The following CHST9 variants were observed in gnomAD, a reference collection of about 807,000 sequenced individuals.
CHST9 encodes the protein GalNAc-4-sulfotransferase 2.
Under a neutral mutation model 44.4 loss-of-function variants are expected in CHST9, and 41 were observed. The ratio of observed to expected loss-of-function variants is 0.92; its 90% CI spans 0.72 to 1.20. CHST9 has a LOEUF of 1.20. CHST9 is among the 50% of genes most tolerant of loss of function. CHST9 has a pLI of 0.00. For synonymous variants in CHST9, 171 were observed against 178.4 expected, an observed-to-expected ratio of 0.96 and a Z score of 0.33; for missense variants, 504 against 516.5, an observed-to-expected ratio of 0.98 and a Z score of 0.23.
intron 4 of CHST9, among the ~76,000 whole-genome samples, chr18:26,953,228 A>G (rs1683473): frequency 6.6e-6 from 1 of 152,208 alleles, no homozygotes; most frequent in East Asian, 1.9e-4. Context: ...CTGTCTTTGT[A>G]ACAGGAATCA....
At chr18:27,070,051 T>A (rs2057822512) in intron 2 of CHST9, among the ~76,000 whole-genome samples, 1 of 152,222 alleles carries the variant, frequency 6.6e-6, no homozygotes. Flanking sequence ...AATCACCCTC[T>A]ATGCCACTGT....
intron 5 of CHST9, chr18:26,925,842 T>C (rs1187834551): frequency 6.6e-6 from 1 of 152,248 alleles, no homozygotes. Flanking sequence ...GAGCAATTTC[T>C]ATATGATAAG....
intron 5 of CHST9, among the ~76,000 whole-genome samples, chr18:26,921,972 C>T (rs1249137261): frequency 6.6e-6 from 1 of 152,084 alleles, no homozygotes; most frequent in African/African-American, 2.4e-5. Flanking sequence ...AAATTAATTA[C>T]CCCCAATTGG....
At chr18:26,936,797 A>T (rs1207103518) in intron 5 of CHST9, 2 of 152,194 alleles carry the variant, frequency 1.3e-5, no homozygotes, top group African/African-American at 4.8e-5. Flanking sequence ...AAAATTATTC[A>T]TGGAATATAT....
intron 2 of CHST9, among the ~76,000 whole-genome samples, chr18:27,053,551 A>G (rs796076305): frequency 2.6e-5 from 4 of 152,154 alleles, no homozygotes; most frequent in African/African-American, 9.6e-5. Flanking sequence ...CATGAACTTT[A>G]TATCTGTTCC....
At chr18:27,113,445 G>A (rs2058292524) in intron 2 of CHST9, among the ~76,000 whole-genome samples, 1 of 152,028 alleles carries the variant, frequency 6.6e-6, no homozygotes, top group Non-Finnish European at 1.5e-5. Context: ...TTTAATAATT[G>A]TTAAAACCTA....
At chr18:27,168,032 T>C (rs190064397) in intron 1 of CHST9, among the ~76,000 whole-genome samples, 207 of 151,802 alleles carry the variant, frequency 1.4e-3, no homozygotes, top group African/African-American at 4.6e-3. Context: ...GGGAAACAGA[T>C]AGGCATTGAA....
intron 2 of CHST9, among the ~76,000 whole-genome samples, chr18:27,060,988 C>T (rs1229320759): frequency 6.6e-6 from 1 of 152,190 alleles, no homozygotes; most frequent in African/African-American, 2.4e-5. Flanking sequence ...AATAAAAAGA[C>T]ACGCATGGGA....
At chr18:26,949,057 A>C (rs920518258) in intron 4 of CHST9, among the ~76,000 whole-genome samples, 12 of 152,136 alleles carry the variant, frequency 7.9e-5, no homozygotes, top group African/African-American at 2.9e-4. Context: ...GATGAGGATG[A>C]GGTGGCCAAA....
intron 4 of CHST9, among the ~76,000 whole-genome samples, chr18:26,961,268 C>T (rs2056395316): frequency 6.6e-6 from 1 of 152,180 alleles, no homozygotes; most frequent in Non-Finnish European, 1.5e-5. Flanking sequence ...AACAATACCT[C>T]CATTGTATTT....
intron 2 of CHST9, among the ~76,000 whole-genome samples, chr18:27,128,006 C>G (rs954515884): frequency 3.9e-5 from 6 of 152,066 alleles, no homozygotes; most frequent in African/African-American, 1.4e-4. Flanking sequence ...TAAAAGCTGC[C>G]TCTCTAGAAA....
At chr18:27,166,257 T>C (rs1446010288) in intron 1 of CHST9, among the ~76,000 whole-genome samples, 1 of 152,206 alleles carries the variant, frequency 6.6e-6, no homozygotes, top group African/African-American at 2.4e-5. Context: ...CCACCATTTC[T>C]CACACTTCTT....
At chr18:27,182,860 G>A (rs2058923992) in intron 1 of CHST9, among the ~76,000 whole-genome samples, 1 of 152,182 alleles carries the variant, frequency 6.6e-6, no homozygotes, top group Non-Finnish European at 1.5e-5. Flanking sequence ...ACTGATGTGG[G>A]AAACAATGTG....
At position 26,947,438 on chromosome 18, in the gene CHST9, C is replaced by A. The variant is rs183464829; in HGVS notation, c.203-3072G>T. On this transcript the variant is annotated intron_variant, in intron 4 of 5. Coordinates refer to ENST00000618847, the MANE Select transcript of CHST9 (RefSeq NM_031422.6). Reference sequence around the variant, plus strand: ...ATTAAACCAAAGAGCTTCTGCACAGCAAAAGAAACTTTCATCAGAGTGAAC... The same window carrying A: ...ATTAAACCAAAGAGCTTCTGCACAGAAAAAGAAACTTTCATCAGAGTGAAC... Among the ~76,000 whole-genome samples the A allele has an allele frequency of 4.1e-3, 620 of 152,190 alleles. 1 individual carries two copies. Among genetic ancestry groups the A allele is most frequent in the African/African-American group, 6.0e-3 (248 of 41,532 alleles).
intron 1 of CHST9, among the ~76,000 whole-genome samples, chr18:27,183,006 T>A (rs1159393929): frequency 2.6e-5 from 4 of 152,140 alleles, no homozygotes; most frequent in African/African-American, 9.7e-5. Flanking sequence ...TTTAATGCAC[T>A]TCTTCAGAGC....
intron 1 of CHST9, among the ~76,000 whole-genome samples, chr18:27,179,211 C>G (rs1441839105): frequency 6.6e-6 from 1 of 151,778 alleles, no homozygotes; most frequent in Non-Finnish European, 1.5e-5. Flanking sequence ...CAGTTTGTCA[C>G]CACTTATTGT....
At chr18:26,936,693 T>C (rs2055998844) in intron 5 of CHST9, 1 of 152,146 alleles carries the variant, frequency 6.6e-6, no homozygotes, top group Admixed American at 6.5e-5. Flanking sequence ...AGTTACTCAG[T>C]TCATCTTCTG....
At chr18:27,084,577 T>G (rs536642416) in intron 2 of CHST9, among the ~76,000 whole-genome samples, 1 of 152,022 alleles carries the variant, frequency 6.6e-6, no homozygotes, top group South Asian at 2.1e-4. Flanking sequence ...CTACCAATCT[T>G]ATCTATTCTT....
At chr18:27,110,367 A>G (rs2058260685) in intron 2 of CHST9, among the ~76,000 whole-genome samples, 1 of 151,982 alleles carries the variant, frequency 6.6e-6, no homozygotes, top group Non-Finnish European at 1.5e-5. Flanking sequence ...TGTATTAATC[A>G]GGGTACTTTA....
Sources: gnomAD v4.1 joint callset for allele counts (sites outside exome capture counted in the v4.1 genomes callset) on GRCh38, gnomAD v4.1.1 for gene constraint, MANE v1.5 for transcripts, NCBI Gene and HGNC (gene_info 2026-07-23, HGNC 2026-07-21) for gene names.